The following SRXN1 variants were observed in gnomAD, a reference collection of about 807,000 sequenced individuals.
The protein encoded by SRXN1 is sulfiredoxin 1.
SRXN1 carries 11 observed loss-of-function variants against 11.0 expected under a neutral mutation model. That is an observed-to-expected ratio of 1.00 (90% confidence interval 0.63 to 1.65). The LOEUF is 1.65. SRXN1 is among the 40% of genes most tolerant of loss of function. The probability of loss-of-function intolerance (pLI) is 0.00; values close to 1 mark genes in which losing one functional copy is unlikely to be tolerated. For synonymous variants in SRXN1, 106 were observed against 92.8 expected (o/e 1.14, Z -0.82); for missense variants, 211 against 194.5 (o/e 1.08, Z -0.50).
Position 649,223 on chromosome 20 carries a change from C to T in SRXN1, c.211-306G>A, listed in dbSNP as rs151245587. On this transcript the variant is annotated intron_variant, in intron 1 of 1. Transcript: ENST00000381962. Reference sequence around the variant, plus strand: ...GGCCCTGTTGTAGACCCTGGGAATACGGTACAGCTGGAATGTGACTGAATC... The same window carrying T: ...GGCCCTGTTGTAGACCCTGGGAATATGGTACAGCTGGAATGTGACTGAATC... Among the ~76,000 whole-genome samples, 214 of 152,276 alleles carry T rather than the reference C, an allele frequency of 1.4e-3. 1 individual carries two copies. The highest frequency in any genetic ancestry group is 5.1e-3 in the African/African-American group (211 of 41,540).
In SRXN1 at chr20:646,735, T is replaced by A. The variant is rs1389656213; in HGVS notation, c.*1979A>T. ...CACCCAGCCTACCCCAAGGTCAACA[T>A]CTTACATCACCATGGTACATCTGTC... On this transcript the variant is annotated 3_prime_UTR_variant, in exon 2 of 2. Transcript: ENST00000381962. 3 of 151,794 alleles carry A rather than the reference T, an allele frequency of 2.0e-5. No homozygotes were observed. Among genetic ancestry groups the A allele is most frequent in the African/African-American group, 7.3e-5 (3 of 41,286 alleles). 9.4% of individuals were successfully genotyped at this position (151,794 alleles called of 1,614,324 possible). A position where few individuals can be genotyped will look rare whatever the true frequency, so the allele number is the denominator to read the frequency against.
Position 648,029 on chromosome 20 carries a change from G to A in SRXN1, c.*685C>T, listed in dbSNP as rs1164376649. 1.5e-5 allele frequency: 7 copies of A among 454,842 alleles called. No homozygotes were observed. Among genetic ancestry groups the A allele is most frequent in the South Asian group, 1.1e-4 (7 of 64,440 alleles). The allele number at this position is 454,842 out of a possible 1,614,324, so 28.2% of individuals were successfully genotyped here. A position where few individuals can be genotyped will look rare whatever the true frequency, so the allele number is the denominator to read the frequency against. ...TGGCTCGGGCCAAGGGCATCTAAGT[G>A]AAGATATGCAGAGGGAGAGAGCAGG... On this transcript the variant is annotated 3_prime_UTR_variant, in exon 2 of 2. Transcript: ENST00000381962.
In SRXN1 at chr20:648,296, G is replaced by A. The variant is rs1413950693; in HGVS notation, c.*418C>T. 1.5e-5 allele frequency: 7 copies of A among 458,452 alleles called. No individual in the cohort carries two copies. The highest frequency in any genetic ancestry group is 1.4e-4 in the African/African-American group (7 of 50,180). The allele number at this position is 458,452 out of a possible 1,614,324, so 28.4% of individuals were successfully genotyped here. A position where few individuals can be genotyped will look rare whatever the true frequency, so the allele number is the denominator to read the frequency against. On this transcript the variant is annotated 3_prime_UTR_variant, in exon 2 of 2. Coordinates refer to ENST00000381962, the MANE Select transcript of SRXN1 (RefSeq NM_080725.3). ...TTAGCCACCCATCTCCAGAATCCAT[G>A]CTATGTGGAAAAACAATCTTCTGTT...
At position 648,333 on chromosome 20, in the gene SRXN1, C is replaced by T. The variant is rs892850335; in HGVS notation, c.*381G>A. 1.3e-5 allele frequency: 6 copies of T among 470,166 alleles called. No homozygotes were observed. The highest frequency in any genetic ancestry group is 1.2e-4 in the African/African-American group (6 of 50,728). The allele number at this position is 470,166 out of a possible 1,614,324, so 29.1% of individuals were successfully genotyped here. ...AACAATCTTCTGTTTGTTTAAACCA[C>T]TGCAATCAAGGTTTTCCTTTCCTTG... is the stretch of plus-strand genomic sequence containing the variant. On this transcript the variant is annotated 3_prime_UTR_variant, in exon 2 of 2. Transcript: ENST00000381962.
Position 648,702 on chromosome 20 carries a change from C to T in SRXN1, c.*12G>A. ...GGGCTCTTGAAGGTGGCAGCAGGTG[C>T]CAAGGAGGCTGCTACTGCAAGTCTG... On this transcript the variant is annotated 3_prime_UTR_variant, in exon 2 of 2. Coordinates refer to ENST00000381962, the MANE Select transcript of SRXN1 (RefSeq NM_080725.3). The T allele has an allele frequency of 6.2e-7, 1 of 1,613,836 alleles. No individual in the cohort carries two copies. The highest frequency in any genetic ancestry group is 8.5e-7 in the Non-Finnish European group (1 of 1,179,764).
Position 646,810 on chromosome 20 carries a change from C to A in SRXN1, c.*1904G>T, listed in dbSNP as rs980064776. 2 of 152,010 alleles carry A rather than the reference C, an allele frequency of 1.3e-5. No individual in the cohort carries two copies. The highest frequency in any genetic ancestry group is 6.6e-5 in the Admixed American group (1 of 15,258). The allele number at this position is 152,010 out of a possible 1,614,324, so 9.4% of individuals were successfully genotyped here. On this transcript the variant is annotated 3_prime_UTR_variant, in exon 2 of 2. Coordinates refer to ENST00000381962, the MANE Select transcript of SRXN1 (RefSeq NM_080725.3). ...TATTAACTAAAATTCAGACTTTTTT[C>A]AGATTTCCAATTTTCCCACTAATGT...
intron 1 of SRXN1, among the ~76,000 whole-genome samples, chr20:652,366 GC>G (rs1983694785): frequency 6.6e-6 from 1 of 152,176 alleles, no homozygotes; most frequent in Non-Finnish European, 1.5e-5. Context: ...CCAAGTTCCT[GC>G]CAGAATCACT....
Position 648,532 on chromosome 20 carries a change from G to T in SRXN1, c.*182C>A, listed in dbSNP as rs760544033. 25 of 682,784 alleles carry T rather than the reference G, an allele frequency of 3.7e-5. No homozygotes were observed. The highest frequency in any genetic ancestry group is 6.4e-5 in the Non-Finnish European group (25 of 390,260). 42.3% of individuals were successfully genotyped at this position (682,784 alleles called of 1,614,324 possible). A position where few individuals can be genotyped will look rare whatever the true frequency, so the allele number is the denominator to read the frequency against. ...TATTGTCACAGAGGTGGGAACTGGG[G>T]CTCCCACACTGTACAGTGAGTCCAA... On this transcript the variant is annotated 3_prime_UTR_variant, in exon 2 of 2. Coordinates refer to ENST00000381962, the MANE Select transcript of SRXN1 (RefSeq NM_080725.3).
chr20:648,854 A>C lies in SRXN1; in HGVS notation c.274T>G (p.Tyr92Asp). 1 of 1,614,180 alleles carries C rather than the reference A, an allele frequency of 6.2e-7. No individual in the cohort carries two copies. The highest frequency in any genetic ancestry group is 8.5e-7 in the Non-Finnish European group (1 of 1,180,038). ...LWIKGAQGGD[Y>D]FYSFGGCHRY... ...TGGCAGCCCCCAAAGGAGTAGAAGT[A>C]GTCACCTCCCTGGGCCCCTTTGATC... The change falls in exon 2 of 2, where the codon TAC becomes GAC. Residue 92 changes from tyrosine (Y) to aspartate (D), a missense_variant. Tyr to Asp is a radical substitution (Grantham distance 160, BLOSUM62 -3). Coordinates refer to ENST00000381962, the MANE Select transcript of SRXN1 (RefSeq NM_080725.3).
intron 1 of SRXN1, among the ~76,000 whole-genome samples, chr20:652,637 C>T (rs1179468863): frequency 6.6e-6 from 1 of 152,116 alleles, no homozygotes; most frequent in Non-Finnish European, 1.5e-5. Context: ...GAAATCTTCC[C>T]TGCCTCAGTT....
rs766844307 is a variant in SRXN1 at position 652,975 on chromosome 20, C to A, written c.210+1G>T. On this transcript the variant is annotated splice_donor_variant, in intron 1 of 1. Coordinates refer to ENST00000381962, the MANE Select transcript of SRXN1 (RefSeq NM_080725.3). LOFTEE classifies it high-confidence loss of function. ...GTTGGCTGGACTCCCCGAGGCCTCACCCGGATCGTGTCCACGAGGCTCTGC... is the reference window on the plus strand; with the variant it reads ...GTTGGCTGGACTCCCCGAGGCCTCAACCGGATCGTGTCCACGAGGCTCTGC... The A allele has an allele frequency of 2.0e-6, 3 of 1,524,640 alleles. No homozygotes were observed. In the Admixed American group the frequency reaches 6.1e-5, roughly 31 times the overall value. 94.4% of individuals were successfully genotyped at this position (1,524,640 alleles called of 1,614,324 possible).
rs534869057 is a variant in SRXN1, at chr20:649,467, C to T, written c.211-550G>A. On this transcript the variant is annotated intron_variant, in intron 1 of 1. Transcript: ENST00000381962. The stretch of plus-strand genomic sequence containing the variant: ...CTGTAATCCCAGAACTTTGGGAGGC[C>T]GAGGCGGGTGGATCACCTGAGGTCA... Among the ~76,000 whole-genome samples, 10 of 152,134 alleles carry T rather than the reference C, an allele frequency of 6.6e-5. No homozygotes were observed. The East Asian group carries it at 1.5e-3, about 24-fold the overall frequency.
At position 647,479 on chromosome 20, in the gene SRXN1, C is replaced by T. The variant is rs1467743781; in HGVS notation, c.*1235G>A. 1.3e-5 allele frequency: 2 copies of T among 158,176 alleles called. No homozygotes were observed. Among genetic ancestry groups the T allele is most frequent in the African/African-American group, 4.8e-5 (2 of 41,488 alleles). 9.8% of individuals were successfully genotyped at this position (158,176 alleles called of 1,614,324 possible). ...TTAGCAGAAGTGACACTGTCCTAGTCCCAGTTCCAGGCCAAGAACTCAAGA... is the reference window on the plus strand; with the variant it reads ...TTAGCAGAAGTGACACTGTCCTAGTTCCAGTTCCAGGCCAAGAACTCAAGA... On this transcript the variant is annotated 3_prime_UTR_variant, in exon 2 of 2. Coordinates refer to ENST00000381962, the MANE Select transcript of SRXN1 (RefSeq NM_080725.3).
At position 652,263 on chromosome 20, in the gene SRXN1, G is replaced by A. The variant is rs183067724; in HGVS notation, c.210+713C>T. Among the ~76,000 whole-genome samples the A allele has an allele frequency of 3.3e-5, 5 of 152,270 alleles. No homozygotes were observed. In the East Asian group the frequency reaches 9.6e-4, roughly 29 times the overall value. The stretch of plus-strand genomic sequence containing the variant: ...GGTGGCTGTAGAGGTGCTGGGTGGG[G>A]CTTAGGGATCTCATGTGCTCACCTT... On this transcript the variant is annotated intron_variant, in intron 1 of 1. Transcript: ENST00000381962.
intron 1 of SRXN1, among the ~76,000 whole-genome samples, chr20:651,589 CAGG>C (rs572844794): frequency 6.6e-6 from 1 of 151,608 alleles, no homozygotes; most frequent in Non-Finnish European, 1.5e-5. Context: ...GAGGCTGAGG[CAGG>C]AGAATGGCTT....
chr20:652,982 C>T lies in SRXN1; in HGVS notation c.204G>A (p.Thr68=). The part of the protein sequence containing the change: ...DPAKVQSLVD[T]IREDPDSVPP... ...GGACTCCCCGAGGCCTCACCCGGAT[C>T]GTGTCCACGAGGCTCTGCACCTTGG... is the stretch of plus-strand genomic sequence containing the variant. The change falls in exon 1 of 2, where the codon ACG becomes ACA. Residue 68 remains threonine, a synonymous_variant. Transcript: ENST00000381962. The T allele has an allele frequency of 6.5e-7, 1 of 1,534,986 alleles. No homozygotes were observed. Among genetic ancestry groups the T allele is most frequent in the Non-Finnish European group, 8.8e-7 (1 of 1,139,908 alleles).
At position 646,691 on chromosome 20, in the gene SRXN1, A is replaced by C. The variant is rs1210134724; in HGVS notation, c.*2023T>G. 2 of 152,026 alleles carry C rather than the reference A, an allele frequency of 1.3e-5. No individual in the cohort carries two copies. Among genetic ancestry groups the C allele is most frequent in the East Asian group, 3.9e-4 (2 of 5,182 alleles). 9.4% of individuals were successfully genotyped at this position (152,026 alleles called of 1,614,324 possible). A position where few individuals can be genotyped will look rare whatever the true frequency, so the allele number is the denominator to read the frequency against. On this transcript the variant is annotated 3_prime_UTR_variant, in exon 2 of 2. Coordinates refer to ENST00000381962, the MANE Select transcript of SRXN1 (RefSeq NM_080725.3). ...CAGAGAAGTTGCAGAGATAGTACAA[A>C]GAGTTCCTGTATACCCTTCACCCAG...
At position 653,128 on chromosome 20, in the gene SRXN1, C is replaced by G. The variant is rs1347581163; in HGVS notation, c.58G>C (p.Glu20Gln). The change falls in exon 1 of 2, where the codon GAG becomes CAG. Residue 20 changes from glutamate to glutamine, a missense_variant. By Grantham distance (29) the Glu-to-Gln change is conservative (BLOSUM62 2). Coordinates refer to ENST00000381962, the MANE Select transcript of SRXN1 (RefSeq NM_080725.3). Reference protein sequence around the residue: ...GRAGAGRGAPEGPGPSGGAQG... With the variant: ...GRAGAGRGAPQGPGPSGGAQG... ...GCGCCGCCGCTCGGCCCGGGCCCCT[C>G]GGGCGCCCCCCGACCCGCGCCGGCC... 7.6e-7 allele frequency: 1 copy of G among 1,320,520 alleles called. No individual in the cohort carries two copies. Among genetic ancestry groups the G allele is most frequent in the East Asian group, 3.2e-5 (1 of 31,264 alleles). 81.8% of individuals were successfully genotyped at this position (1,320,520 alleles called of 1,614,324 possible).
Position 648,726 on chromosome 20 carries a change from T to A in SRXN1, c.402A>T (p.Pro134=), listed in dbSNP as rs1983598446. Residue 134 remains proline (P), a synonymous_variant, in exon 2 of 2, where the codon CCA becomes CCT. Transcript: ENST00000381962. ...GCCAAGGAGGCTGCTACTGCAAGTCTGGTGTGGATGCTCCCAGGTACACCC... is the reference window on the plus strand; with the variant it reads ...GCCAAGGAGGCTGCTACTGCAAGTCAGGTGTGGATGCTCCCAGGTACACCC... ...DLRVYLGAST[P]DLQ 6.2e-7 allele frequency: 1 copy of A among 1,614,190 alleles called. No homozygotes were observed.
Sources: gnomAD v4.1 joint callset for allele counts (sites outside exome capture counted in the v4.1 genomes callset) on GRCh38, gnomAD v4.1.1 for gene constraint, MANE v1.5 for transcripts, NCBI Gene and HGNC (gene_info 2026-07-23, HGNC 2026-07-21) for gene names.